The following GLT1D1 variants were observed in gnomAD, a reference collection of about 807,000 sequenced individuals.
GLT1D1 encodes the protein glycosyltransferase 1 domain containing 1.
Under a neutral mutation model 28.7 loss-of-function variants are expected in GLT1D1, and 21 were observed. That is an observed-to-expected ratio of 0.73 (90% CI 0.52 to 1.05). The LOEUF is 1.05. Ranked by LOEUF, GLT1D1 falls within the 50% of genes least tolerant of loss-of-function variation. GLT1D1 has a pLI of 0.00. For missense variants in GLT1D1, 343 were observed against 330.6 expected (o/e 1.04, Z -0.29); for synonymous variants, 147 against 124.8 (o/e 1.18, Z -1.19).
chr12:128,949,166 T>C (rs1413334976), intron 6 of GLT1D1, among the ~76,000 whole-genome samples: 1 of 152,242 alleles, frequency 6.6e-6, no homozygotes, highest in Non-Finnish European at 1.5e-5. Flanking sequence ...CCTTTGTAGG[T>C]AAATATACAT....
chr12:128,857,921 C>T (rs527421683), intron 1 of GLT1D1, among the ~76,000 whole-genome samples: 2 of 152,256 alleles, frequency 1.3e-5, no homozygotes, highest in East Asian at 1.9e-4. Flanking sequence ...AGGTGGGGAC[C>T]GATCCCAGAT....
chr12:128,980,188 G>A (rs567781723), intron 7 of GLT1D1, among the ~76,000 whole-genome samples: 5 of 152,294 alleles, frequency 3.3e-5, no homozygotes, highest in Non-Finnish European at 5.9e-5. Flanking sequence ...CTGTTGGTTG[G>A]AGGCAAGTCC....
At chr12:128,946,167 C>T (rs574577533) in intron 5 of GLT1D1, among the ~76,000 whole-genome samples, 62 of 152,184 alleles carry the variant, frequency 4.1e-4, no homozygotes, top group East Asian at 7.7e-4. Flanking sequence ...CTGGCAGAGC[C>T]ATGAGAGTGG....
intron 4 of GLT1D1, among the ~76,000 whole-genome samples, chr12:128,931,014 T>TAAA (rs371650413): frequency 2.3e-4 from 34 of 147,416 alleles, no homozygotes; most frequent in African/African-American, 7.9e-4. Flanking sequence ...TTTTTTTTTT[T>TAAA]AAAATGAGAC....
At chr12:128,872,247 T>C (rs772941566) in intron 1 of GLT1D1, among the ~76,000 whole-genome samples, 25 of 152,190 alleles carry the variant, frequency 1.6e-4, no homozygotes, top group African/African-American at 6.0e-4. Context: ...CCTGGCCGAT[T>C]CAAGGGTACT....
chr12:128,893,876 C>T (rs1408552899), intron 3 of GLT1D1, among the ~76,000 whole-genome samples: 2 of 152,152 alleles, frequency 1.3e-5, no homozygotes, highest in African/African-American at 4.8e-5. Flanking sequence ...TGAGCCATCA[C>T]GCCCCACTAA....
chr12:128,863,148 G>C (rs981486085), intron 1 of GLT1D1, among the ~76,000 whole-genome samples: 1 of 152,142 alleles, frequency 6.6e-6, no homozygotes, highest in African/African-American at 2.4e-5. Context: ...AGACTGGCCA[G>C]TTTATGCTTA....
intron 4 of GLT1D1, 79 bp from the exon 5 acceptor site, chr12:128,912,345 C>A: frequency 1.1e-6 from 1 of 874,182 alleles, no homozygotes; most frequent in Non-Finnish European, 1.7e-6. Context: ...TTGTTAATGA[C>A]CTTCATTTTA....
At chr12:128,876,150 C>T in intron 2 of GLT1D1, 88 bp downstream of exon 2, 1 of 1,199,610 alleles carries the variant, frequency 8.3e-7, no homozygotes, top group Non-Finnish European at 1.2e-6. Context: ...GAAACAGTGT[C>T]TCCTTTTTAT....
chr12:128,912,333 T>TC, intron 4 of GLT1D1, 91 bp from the exon 5 acceptor site: 1 of 786,444 alleles, frequency 1.3e-6, no homozygotes, highest in Non-Finnish European at 2.0e-6. Context: ...GGACGGCTTT[T>TC]TTTGTTAATG....
At chr12:128,967,727 G>A (rs1310142870) in intron 7 of GLT1D1, among the ~76,000 whole-genome samples, 3 of 152,216 alleles carry the variant, frequency 2.0e-5, no homozygotes, top group Non-Finnish European at 4.4e-5. Flanking sequence ...TTACGGATTT[G>A]GGGAGGCCAC....
chr12:128,944,719 G>T, intron 4 of GLT1D1: 1 of 626,330 alleles, frequency 1.6e-6, no homozygotes, highest in East Asian at 3.4e-5. Flanking sequence ...TGCAGTTCCT[G>T]AAGGGCCACG....
intron 1 of GLT1D1, chr12:128,864,117 A>C (rs1956454808): frequency 1.5e-6 from 1 of 669,868 alleles, no homozygotes; most frequent in Non-Finnish European, 2.7e-6. Context: ...GGCTGATGCC[A>C]GCTCGGCTGG....
chr12:128,936,693 A>G lies in GLT1D1; in HGVS notation c.376-8633A>G, dbSNP rs1340160513. Among the ~76,000 whole-genome samples, 4 of 152,178 alleles carry G rather than the reference A, an allele frequency of 2.6e-5. No individual in the cohort carries two copies. In the East Asian group the frequency reaches 7.7e-4, roughly 29 times the overall value. On this transcript the variant is annotated intron_variant, in intron 4 of 7. Transcript: ENST00000281703. ...CATTTGGTTTGAGCATGACAGCTTA[A>G]TGACTTTCCACAATAACTTCTTATA...
chr12:128,973,673 C>A (rs1409994675), intron 7 of GLT1D1, among the ~76,000 whole-genome samples: 3 of 152,064 alleles, frequency 2.0e-5, no homozygotes, highest in Non-Finnish European at 4.4e-5. Context: ...CTCTCACCTT[C>A]TTCTTTCCTT....
At chr12:128,976,083 A>G (rs1015686031) in intron 7 of GLT1D1, among the ~76,000 whole-genome samples, 14 of 152,216 alleles carry the variant, frequency 9.2e-5, no homozygotes, top group Admixed American at 6.5e-5. Context: ...TGCCGTGTAC[A>G]AGAAAAGTAC....
chr12:128,912,833 A>AT (rs147604490), intron 4 of GLT1D1, among the ~76,000 whole-genome samples: 9,490 of 151,804 alleles, frequency 0.063, 334 homozygotes, highest in Middle Eastern at 0.11. Flanking sequence ...TGCCCAGCTG[A>AT]TTTTTTTTGT....
chr12:128,979,575 G>A (rs1308680074), intron 7 of GLT1D1, among the ~76,000 whole-genome samples: 1 of 152,100 alleles, frequency 6.6e-6, no homozygotes, highest in African/African-American at 2.4e-5. Flanking sequence ...GCAACACAGT[G>A]AAACCCCGTC....
chr12:128,973,455 A>G (rs529335994), intron 7 of GLT1D1, among the ~76,000 whole-genome samples: 22 of 150,220 alleles, frequency 1.5e-4, no homozygotes, highest in African/African-American at 4.9e-4. Context: ...GGCCTCCCAG[A>G]GTGTTGGGAT....
Sources: allele counts gnomAD v4.1 joint callset (sites outside exome capture counted in the v4.1 genomes callset), GRCh38; gene constraint gnomAD v4.1.1; transcripts MANE v1.5; gene names NCBI Gene and HGNC (gene_info 2026-07-23, HGNC 2026-07-21).